Variants in TRERF1 observed in about 807,000 individuals in gnomAD.
TRERF1 encodes transcriptional-regulating factor 1.
TRERF1 carries 27 observed loss-of-function variants against 122.9 expected under a neutral mutation model. That is an observed-to-expected ratio of 0.22 (90% CI 0.16 to 0.30). TRERF1 has a LOEUF of 0.30. Among genes scored for constraint, TRERF1 ranks in the 10% least tolerant of loss-of-function variants. The pLI is 1.00. For synonymous variants in TRERF1, 636 were observed against 641.7 expected (o/e 0.99, Z 0.13); for missense variants, 1,248 against 1,560.3 (o/e 0.80, Z 3.37).
chr6:42,249,947 G>T (rs1216404952), intron 13 of TRERF1, among the ~76,000 whole-genome samples: 1 of 152,138 alleles, frequency 6.6e-6, no homozygotes, highest in Non-Finnish European at 1.5e-5. Context: ...CTCTTGGATT[G>T]AATTCCCAGG....
chr6:42,358,803 T>TC, intron 3 of TRERF1, among the ~76,000 whole-genome samples: 1 of 142,068 alleles, frequency 7.0e-6, no homozygotes, highest in East Asian at 2.1e-4. Flanking sequence ...TTTTTTTTTT[T>TC]CTCCTAGTGC....
At chr6:42,353,537 A>T (rs144698016) in intron 3 of TRERF1, among the ~76,000 whole-genome samples, 403 of 152,228 alleles carry the variant, frequency 2.6e-3, no homozygotes, top group African/African-American at 9.3e-3. Context: ...GCAGTGAACC[A>T]ATATCGCGCC....
chr6:42,420,781 C>T lies in TRERF1; in HGVS notation c.-454+30396G>A, dbSNP rs1376351165. On this transcript the variant is annotated intron_variant, in intron 2 of 17. Transcript: ENST00000372922. ...TTTAGAGTGATGGTACAGGATGAGTCTTGGATGCTGTCATGTAAGTCATGG... is the reference window on the plus strand; with the variant it reads ...TTTAGAGTGATGGTACAGGATGAGTTTTGGATGCTGTCATGTAAGTCATGG... Among the ~76,000 whole-genome samples the T allele has an allele frequency of 2.0e-5, 3 of 152,300 alleles. No homozygotes were observed. In the East Asian group the frequency reaches 5.8e-4, roughly 29 times the overall value.
chr6:42,417,337 C>T lies in TRERF1; in HGVS notation c.-454+33840G>A, dbSNP rs567398930. Among the ~76,000 whole-genome samples the T allele has an allele frequency of 1.0e-4, 3 of 30,062 alleles. No individual in the cohort carries two copies. The East Asian group carries it at 2.1e-3, about 21-fold the overall frequency. The allele number at this position is 30,062 out of a possible 152,430, so 19.7% of individuals were successfully genotyped here. A position where few individuals can be genotyped will look rare whatever the true frequency, so the allele number is the denominator to read the frequency against. ...CAGCCCCTACCCCACGGACCCCACTCCACTCACTCCAAATCCTCTGCCTCC... is the reference window on the plus strand; with the variant it reads ...CAGCCCCTACCCCACGGACCCCACTTCACTCACTCCAAATCCTCTGCCTCC... On this transcript the variant is annotated intron_variant, in intron 2 of 17. Transcript: ENST00000372922.
chr6:42,267,673 A>G (rs1192001380), intron 5 of TRERF1, among the ~76,000 whole-genome samples: 1 of 152,168 alleles, frequency 6.6e-6, no homozygotes, highest in Non-Finnish European at 1.5e-5. Context: ...ACCCTGGTGT[A>G]TTTATCCTGA....
intron 2 of TRERF1, among the ~76,000 whole-genome samples, chr6:42,431,982 G>A (rs554416297): frequency 7.2e-5 from 11 of 152,310 alleles, no homozygotes; most frequent in South Asian, 2.1e-4. Context: ...AAATGAGAAC[G>A]ATGAGCTCAT....
intron 2 of TRERF1, among the ~76,000 whole-genome samples, chr6:42,375,540 A>G (rs114107694): frequency 8.7e-4 from 133 of 152,322 alleles, no homozygotes; most frequent in African/African-American, 3.2e-3. Context: ...GTCCAAAAGC[A>G]TTTATTAAGT....
chr6:42,442,969 G>C lies in TRERF1; in HGVS notation c.-454+8208C>G, dbSNP rs372054773. Among the ~76,000 whole-genome samples the C allele has an allele frequency of 1.8e-4, 28 of 152,226 alleles. 1 individual carries two copies. In the South Asian group the frequency reaches 4.6e-3, roughly 25 times the overall value. ...CTCAGTTTCCTCAGCTATAAAATGA[G>C]GATATCTACCTTCTCTGGTTGTTGC... On this transcript the variant is annotated intron_variant, in intron 2 of 17. Coordinates refer to ENST00000372922, the Ensembl canonical transcript of TRERF1.
intron 8 of TRERF1, among the ~76,000 whole-genome samples, chr6:42,262,160 C>T (rs189095098): frequency 6.6e-6 from 1 of 152,146 alleles, no homozygotes; most frequent in African/African-American, 2.4e-5. Flanking sequence ...TGCTGACCCC[C>T]AAGTCCTGAC....
chr6:42,307,181 A>C (rs544887649), intron 3 of TRERF1, among the ~76,000 whole-genome samples: 24 of 152,256 alleles, frequency 1.6e-4, no homozygotes, highest in African/African-American at 5.5e-4. Flanking sequence ...GTATCACCTA[A>C]ATGTTGTGTT....
rs1784571898 is a variant in TRERF1, at chr6:42,293,194, C to A, written c.-259+7444G>T. 3.3e-5 allele frequency among the ~76,000 whole-genome samples: 5 copies of A among 152,216 alleles called. No homozygotes were observed. In the South Asian group the frequency reaches 1.0e-3, roughly 31 times the overall value. On this transcript the variant is annotated intron_variant, in intron 4 of 17. Transcript: ENST00000372922. ...AGACGTGGAAAAAGAAAAAACGAGGCCAATCTAACCCTGACAGTTTGTGGG... is the reference window on the plus strand; with the variant it reads ...AGACGTGGAAAAAGAAAAAACGAGGACAATCTAACCCTGACAGTTTGTGGG...
intron 4 of TRERF1, among the ~76,000 whole-genome samples, chr6:42,294,301 C>T (rs745705680): frequency 6.0e-5 from 9 of 150,052 alleles, no homozygotes; most frequent in Non-Finnish European, 1.2e-4. Context: ...GCCTCAGCTT[C>T]CTGAGTAGCT....
intron 3 of TRERF1, among the ~76,000 whole-genome samples, chr6:42,352,488 AAAAAAGCAGACTTT>A (rs1769653214): frequency 6.6e-6 from 1 of 152,230 alleles, no homozygotes; most frequent in African/African-American, 2.4e-5. Context: ...TTACTGAAAT[AAAAAAGCAGACTTT>A]AGGTAGCAGT....
intron 8 of TRERF1, among the ~76,000 whole-genome samples, chr6:42,261,670 G>T (rs1372516717): frequency 6.6e-6 from 1 of 152,088 alleles, no homozygotes; most frequent in Non-Finnish European, 1.5e-5. Flanking sequence ...GGGCACTCGG[G>T]GCTCCTTCCT....
At chr6:42,356,229 A>G (rs1407526736) in intron 3 of TRERF1, among the ~76,000 whole-genome samples, 4 of 152,184 alleles carry the variant, frequency 2.6e-5, no homozygotes, top group Non-Finnish European at 5.9e-5. Flanking sequence ...AGGCACCACA[A>G]ATAAAGACTC....
At chr6:42,444,178 C>CTTTTTTTTTTTTT (rs201969394) in intron 2 of TRERF1, among the ~76,000 whole-genome samples, 1 of 133,860 alleles carries the variant, frequency 7.5e-6, no homozygotes, top group Non-Finnish European at 1.6e-5. Context: ...GCAGCCTTTG[C>CTTTTTTTTTTTTT]TTTTTTTTTT....
At chr6:42,437,764 C>T (rs1156362404) in intron 2 of TRERF1, among the ~76,000 whole-genome samples, 1 of 152,122 alleles carries the variant, frequency 6.6e-6, no homozygotes, top group East Asian at 1.9e-4. Flanking sequence ...CGACCTTGAA[C>T]GAGCTTCTGC....
At chr6:42,244,668 G>T (rs1582521233) in intron 14 of TRERF1, among the ~76,000 whole-genome samples, 1 of 152,110 alleles carries the variant, frequency 6.6e-6, no homozygotes, top group South Asian at 2.1e-4. Flanking sequence ...CCATAAAGCA[G>T]CTGCTTTTTC....
chr6:42,367,421 C>T (rs997898532), intron 2 of TRERF1, among the ~76,000 whole-genome samples: 7 of 152,194 alleles, frequency 4.6e-5, no homozygotes, highest in African/African-American at 7.2e-5. Flanking sequence ...AGCTCCGAGC[C>T]TCTGATTGTA....
Sources: allele counts gnomAD v4.1 joint callset (sites outside exome capture counted in the v4.1 genomes callset), GRCh38; gene constraint gnomAD v4.1.1; transcripts MANE v1.5; gene names NCBI Gene and HGNC (gene_info 2026-07-23, HGNC 2026-07-21).